The following CMIP variants were observed in gnomAD, a reference collection of about 807,000 sequenced individuals.
CMIP encodes C-Maf-inducing protein.
In CMIP, 13 loss-of-function variants were observed where a neutral mutation model predicts 97.3. That is an observed-to-expected ratio of 0.13 (90% CI 0.09 to 0.21). The LOEUF (loss-of-function observed/expected upper bound fraction) is 0.21, where lower values mean the gene tolerates loss of function less well. Among genes scored for constraint, CMIP ranks in the 10% least tolerant of loss-of-function variants. The probability of loss-of-function intolerance (pLI) is 1.00; values close to 1 mark genes in which losing one functional copy is unlikely to be tolerated. For missense variants in CMIP, 847 were observed against 1,024.9 expected, an observed-to-expected ratio of 0.83 and a Z score of 2.37; for synonymous variants, 538 against 436.3, an observed-to-expected ratio of 1.23 and a Z score of -2.91.
chr16:81,615,086 TTGTG>T (rs1047347766), intron 2 of CMIP, among the ~76,000 whole-genome samples: 5 of 120,490 alleles, frequency 4.1e-5, no homozygotes, highest in African/African-American at 1.6e-4. Context: ...TGGTATGTCT[TTGTG>T]TGTATGAGGT....
chr16:81,602,590 G>A (rs1162477337), intron 1 of CMIP, among the ~76,000 whole-genome samples: 1 of 152,158 alleles, frequency 6.6e-6, no homozygotes, highest in Non-Finnish European at 1.5e-5. Flanking sequence ...CCCCTCGCCC[G>A]CCCCAGCGGC....
At position 81,667,799 on chromosome 16, in the gene CMIP, AGTGTGTGTGT is replaced by A. The variant is rs71146027; in HGVS notation, c.826-2310_826-2301del. Among the ~76,000 whole-genome samples, 304 of 58,106 alleles carry A rather than the reference AGTGTGTGTGT, an allele frequency of 5.2e-3. 2 individuals are homozygous for A. The highest frequency in any genetic ancestry group is 0.02 in the African/African-American group (291 of 14,202). 38.1% of individuals were successfully genotyped at this position (58,106 alleles called of 152,430 possible). A position where few individuals can be genotyped will look rare whatever the true frequency, so the allele number is the denominator to read the frequency against. Reference sequence around the variant, plus strand: ...GAGAGAGAGAGAGAGAGAGAGAGAGAGTGTGTGTGTGTGTGTGTGTGTGTGTGTGTGTGTG... The same window carrying A: ...GAGAGAGAGAGAGAGAGAGAGAGAGAGTGTGTGTGTGTGTGTGTGTGTGTG... On this transcript the variant is annotated intron_variant, in intron 7 of 20. Transcript: ENST00000537098.
chr16:81,646,774 G>A (rs2092369049), intron 3 of CMIP, among the ~76,000 whole-genome samples: 1 of 152,216 alleles, frequency 6.6e-6, no homozygotes, highest in Admixed American at 6.5e-5. Context: ...TAGTGGTTAT[G>A]AGTTGCATCC....
chr16:81,545,926 C>T (rs936963315), intron 1 of CMIP, among the ~76,000 whole-genome samples: 6 of 152,264 alleles, frequency 3.9e-5, no homozygotes, highest in African/African-American at 9.6e-5. Context: ...GGTGTCACCC[C>T]CTCACTGCAG....
At chr16:81,502,299 A>G (rs567463819) in intron 1 of CMIP, among the ~76,000 whole-genome samples, 41 of 152,304 alleles carry the variant, frequency 2.7e-4, no homozygotes, top group African/African-American at 9.4e-4. Context: ...CCCAGTTTAC[A>G]CTTGTAGTCC....
intron 1 of CMIP, among the ~76,000 whole-genome samples, chr16:81,550,955 C>T (rs1263984471): frequency 2.0e-5 from 3 of 147,458 alleles, no homozygotes; most frequent in Non-Finnish European, 4.5e-5. Context: ...CACACACACC[C>T]CAGTCCCGTC....
intron 1 of CMIP, among the ~76,000 whole-genome samples, chr16:81,579,862 C>A (rs549288065): frequency 6.6e-6 from 1 of 152,072 alleles, no homozygotes; most frequent in Non-Finnish European, 1.5e-5. Context: ...AGGCTGAGGC[C>A]GGAGAATGGC....
Position 81,589,484 on chromosome 16 carries a change from T to G in CMIP, c.301-18083T>G, listed in dbSNP as rs78969218. 1.2e-4 allele frequency among the ~76,000 whole-genome samples: 14 copies of G among 115,192 alleles called. No individual in the cohort carries two copies. In the South Asian group the frequency reaches 3.1e-3, roughly 25 times the overall value. 75.6% of individuals were successfully genotyped at this position (115,192 alleles called of 152,430 possible). On this transcript the variant is annotated intron_variant, in intron 1 of 20. Transcript: ENST00000537098. ...GTAGAAACATATATGCAGACTTGTGTTTTTTTTTTTTTTTTCCACCCTATG... is the reference window on the plus strand; with the variant it reads ...GTAGAAACATATATGCAGACTTGTGGTTTTTTTTTTTTTTTCCACCCTATG...
chr16:81,705,476 C>T, intron 18 of CMIP, 23 bp from the exon 19 acceptor site: 1 of 1,541,284 alleles, frequency 6.5e-7, no homozygotes, highest in Non-Finnish European at 8.9e-7. Flanking sequence ...CGGGAGAGGG[C>T]TGAGAGTTTC....
intron 9 of CMIP, among the ~76,000 whole-genome samples, chr16:81,674,881 C>T (rs980099762): frequency 6.6e-6 from 1 of 151,902 alleles, no homozygotes; most frequent in Non-Finnish European, 1.5e-5. Flanking sequence ...CCACCACATC[C>T]AGCCAGATCA....
intron 1 of CMIP, among the ~76,000 whole-genome samples, chr16:81,466,335 A>G (rs989914449): frequency 7.2e-5 from 11 of 152,234 alleles, no homozygotes; most frequent in African/African-American, 2.7e-4. Flanking sequence ...TGTTGGGATT[A>G]CAGGCATGAG....
rs941996518 is a variant in CMIP, at chr16:81,669,925, C to T, written c.826-217C>T. On this transcript the variant is annotated intron_variant, in intron 7 of 20. Transcript: ENST00000537098. ...TCTACAGCCAGAAGCACCTGCTCATCAGATGGTCCTTCAGAGTGGAAGCGC... is the reference window on the plus strand; with the variant it reads ...TCTACAGCCAGAAGCACCTGCTCATTAGATGGTCCTTCAGAGTGGAAGCGC... Among the ~76,000 whole-genome samples the T allele has an allele frequency of 2.3e-4, 35 of 152,258 alleles. 1 individual carries two copies. The highest frequency in any genetic ancestry group is 1.6e-3 in the Admixed American group (24 of 15,286).
intron 1 of CMIP, among the ~76,000 whole-genome samples, chr16:81,508,731 A>G (rs2089756640): frequency 6.6e-6 from 1 of 152,238 alleles, no homozygotes; most frequent in South Asian, 2.1e-4. Context: ...GCTCCGTGAG[A>G]CAGATCTCAG....
chr16:81,574,329 A>G (rs1003405975), intron 1 of CMIP, among the ~76,000 whole-genome samples: 1 of 152,248 alleles, frequency 6.6e-6, no homozygotes, highest in African/African-American at 2.4e-5. Context: ...GGCTGCCTGT[A>G]GCCTGGCACC....
At chr16:81,492,946 C>A (rs898749348) in intron 1 of CMIP, among the ~76,000 whole-genome samples, 1 of 152,008 alleles carries the variant, frequency 6.6e-6, no homozygotes, top group Non-Finnish European at 1.5e-5. Context: ...GAGGAGGGCC[C>A]GTGAGCGAGA....
rs1326033615 is a variant in CMIP, at chr16:81,627,106, A to AGT, written c.477+6190_477+6191dup. 8.9e-6 allele frequency among the ~76,000 whole-genome samples: 1 copy of AGT among 112,608 alleles called. No homozygotes were observed. The highest frequency in any genetic ancestry group is 1.8e-5 in the Non-Finnish European group (1 of 55,446). 73.9% of individuals were successfully genotyped at this position (112,608 alleles called of 152,430 possible). On this transcript the variant is annotated intron_variant, in intron 3 of 20. Coordinates refer to ENST00000537098, the MANE Select transcript of CMIP (RefSeq NM_198390.3). This position sits in a 1 kb window ranked among gnomAD's most constrained non-coding sequence, Gnocchi z 4.6. ...TGTGGTGTGTGGGGGTGACTGTGAGAGTGTGTGTGTGGTGTGTGTGTGGCA... is the reference window on the plus strand; with the variant it reads ...TGTGGTGTGTGGGGGTGACTGTGAGAGTGTGTGTGTGTGGTGTGTGTGTGGCA...
chr16:81,529,016 A>G (rs1244106265), intron 1 of CMIP, among the ~76,000 whole-genome samples: 2 of 151,794 alleles, frequency 1.3e-5, no homozygotes, highest in Non-Finnish European at 2.9e-5. Flanking sequence ...TCCATCACTT[A>G]CTGATGGCTT....
intron 1 of CMIP, among the ~76,000 whole-genome samples, chr16:81,493,436 A>G (rs1449104158): frequency 6.8e-6 from 1 of 147,420 alleles, no homozygotes; most frequent in African/African-American, 2.4e-5. Flanking sequence ...CACTTCCTCA[A>G]GTCTTTGTGA....
At chr16:81,455,649 G>A (rs1015963153) in intron 1 of CMIP, among the ~76,000 whole-genome samples, 1 of 152,162 alleles carries the variant, frequency 6.6e-6, no homozygotes, top group African/African-American at 2.4e-5. Context: ...AGCCTTTCTC[G>A]GTGTGCACAC....
Sources: allele counts gnomAD v4.1 joint callset (sites outside exome capture counted in the v4.1 genomes callset), GRCh38; gene constraint gnomAD v4.1.1; non-coding constraint Gnocchi (gnomAD v3.1); transcripts MANE v1.5; gene names NCBI Gene and HGNC (gene_info 2026-07-23, HGNC 2026-07-21).